Variants in PRKDC observed in about 807,000 individuals in gnomAD.
The protein encoded by PRKDC is DNA-dependent protein kinase catalytic subunit.
In PRKDC, 82 loss-of-function variants were observed where a neutral mutation model predicts 486.9. The observed-to-expected ratio is 0.17, with a 90% CI of 0.14 to 0.20. The LOEUF is 0.20. Ranked by LOEUF, PRKDC falls within the 10% of genes least tolerant of loss-of-function variation. The probability of loss-of-function intolerance (pLI) is 1.00; values close to 1 mark genes in which losing one functional copy is unlikely to be tolerated. For missense variants in PRKDC, 4,504 were observed against 5,038.2 expected, an observed-to-expected ratio of 0.89 and a Z score of 3.21; for synonymous variants, 1,895 against 1,837.0, an observed-to-expected ratio of 1.03 and a Z score of -0.81.
intron 38 of PRKDC, among the ~76,000 whole-genome samples, chr8:47,880,205 A>C (rs994400954): frequency 1.3e-5 from 2 of 152,206 alleles, no homozygotes; most frequent in Non-Finnish European, 2.9e-5. Context: ...CTATGGACAC[A>C]TAAATAAATG....
At position 47,877,705 on chromosome 8, in the gene PRKDC, C is replaced by G; in HGVS notation, c.5363+19G>C. ...TGAAATGCGTATGGTTCCTGAGATC[C>G]CAGGCCAGAATGACTTACCTTCTGG... is the stretch of plus-strand genomic sequence containing the variant. On this transcript the variant is annotated intron_variant, in intron 40 of 85. Transcript: ENST00000314191. 6.4e-7 allele frequency: 1 copy of G among 1,561,536 alleles called. No individual in the cohort carries two copies. The highest frequency in any genetic ancestry group is 8.7e-7 in the Non-Finnish European group (1 of 1,152,670).
At position 47,782,457 on chromosome 8, in the gene PRKDC, C is replaced by T. The variant is rs1287694603; in HGVS notation, c.11317G>A (p.Gly3773Arg). Residue 3773 changes from glycine (G) to arginine (R), a missense_variant, in exon 79 of 86, where the codon GGG becomes AGG. By Grantham distance (125) the Gly-to-Arg change is moderately radical. Transcript: ENST00000314191. The surrounding 1 kb of genome is among the most constrained non-coding windows in gnomAD (Gnocchi z 4.9). ...RVEQLFQVMN[G>R]ILAQDSACSQ... The stretch of plus-strand genomic sequence containing the variant: ...CAGGCGGAGTCTTGGGCCAGGATCC[C>T]ATTCATGACCTGGAAGAGCTGCTCC... The T allele has an allele frequency of 6.3e-7, 1 of 1,592,822 alleles. No homozygotes were observed. The highest frequency in any genetic ancestry group is 1.8e-5 in the Admixed American group (1 of 56,844).
intron 41 of PRKDC, 30 bp downstream of exon 41, chr8:47,864,526 T>G (rs1329311026): frequency 1.3e-6 from 2 of 1,572,222 alleles, no homozygotes; most frequent in Non-Finnish European, 1.7e-6. Flanking sequence ...GGCTGCTCAC[T>G]TCTTATTACT....
rs376084291 is a variant in PRKDC, at chr8:47,792,500, C to T, written c.10670+1790G>A. On this transcript the variant is annotated intron_variant, in intron 74 of 85. Transcript: ENST00000314191. ...GTCTCGATCTCCTGACCTCCTGATCCGCCCACTTCAGCCTCCCAAAGTGCT... is the reference window on the plus strand; with the variant it reads ...GTCTCGATCTCCTGACCTCCTGATCTGCCCACTTCAGCCTCCCAAAGTGCT... 4.0e-3 allele frequency among the ~76,000 whole-genome samples: 610 copies of T among 152,160 alleles called. 4 individuals are homozygous for T. The highest frequency in any genetic ancestry group is 0.025 in the South Asian group (121 of 4,824).
At position 47,838,082 on chromosome 8, in the gene PRKDC, G is replaced by C. The variant is rs574687287; in HGVS notation, c.7554-663C>G. On this transcript the variant is annotated intron_variant, in intron 56 of 85. Transcript: ENST00000314191. ...ACCTAGGAGGCGGAGGTTGCAATGA[G>C]CTGAAATCATGCTACTGCACTCCAG... is the stretch of plus-strand genomic sequence containing the variant. 3.9e-5 allele frequency among the ~76,000 whole-genome samples: 6 copies of C among 152,232 alleles called. No individual in the cohort carries two copies. The East Asian group carries it at 1.2e-3, about 29-fold the overall frequency.
intron 3 of PRKDC, 114 bp from the exon 4 acceptor site, chr8:47,956,062 T>C: frequency 1.3e-6 from 1 of 789,010 alleles, no homozygotes; most frequent in Non-Finnish European, 2.0e-6. Flanking sequence ...AGTATTTAGC[T>C]GTGGAAAATA....
At chr8:47,836,246 T>C in intron 58 of PRKDC, 92 bp downstream of exon 58, 1 of 1,249,484 alleles carries the variant, frequency 8.0e-7, no homozygotes. Flanking sequence ...TATCCCTTAC[T>C]TCTCTCACAA....
intron 52 of PRKDC, among the ~76,000 whole-genome samples, chr8:47,851,063 G>T (rs2088392218): frequency 6.6e-6 from 1 of 152,172 alleles, no homozygotes; most frequent in Non-Finnish European, 1.5e-5. Flanking sequence ...GCCTGCCTTG[G>T]CCTCCCAAAG....
intron 68 of PRKDC, among the ~76,000 whole-genome samples, chr8:47,808,938 C>T (rs556110948): frequency 3.3e-5 from 5 of 151,882 alleles, no homozygotes; most frequent in African/African-American, 4.8e-5. Context: ...TCAGGAAGAT[C>T]GCCTGAGCTC....
chr8:47,876,665 A>G (rs1463609986), intron 40 of PRKDC, among the ~76,000 whole-genome samples: 1 of 152,124 alleles, frequency 6.6e-6, no homozygotes, highest in Non-Finnish European at 1.5e-5. Context: ...TGTCTCAAAA[A>G]AAAAAAAAAA....
At chr8:47,797,245 T>C (rs1165518975) in intron 73 of PRKDC, among the ~76,000 whole-genome samples, 1 of 152,218 alleles carries the variant, frequency 6.6e-6, no homozygotes, top group African/African-American at 2.4e-5. Flanking sequence ...GAATACTTCA[T>C]GTCCTCACAA....
chr8:47,817,832 T>A (rs918118145), intron 67 of PRKDC, among the ~76,000 whole-genome samples: 1 of 152,236 alleles, frequency 6.6e-6, no homozygotes, highest in African/African-American at 2.4e-5. Flanking sequence ...ATCTGTAATA[T>A]CAAAATCTAA....
chr8:47,959,922 C>T (rs1255943146), intron 1 of PRKDC, 51 bp downstream of exon 1: 4 of 1,519,842 alleles, frequency 2.6e-6, no homozygotes, highest in Non-Finnish European at 3.5e-6. Context: ...GGCTCCAGAA[C>T]GACTCGGGAA....
At chr8:47,898,212 G>C (rs1333308681) in intron 29 of PRKDC, among the ~76,000 whole-genome samples, 2 of 152,182 alleles carry the variant, frequency 1.3e-5, no homozygotes, top group African/African-American at 4.8e-5. Flanking sequence ...TAAAACGTCT[G>C]TTACAAAACT....
chr8:47,923,173 C>G (rs1779017913), intron 21 of PRKDC, among the ~76,000 whole-genome samples: 1 of 151,658 alleles, frequency 6.6e-6, no homozygotes, highest in Non-Finnish European at 1.5e-5. Context: ...AAGTGGTTCT[C>G]TGGTCTCAGC....
intron 11 of PRKDC, among the ~76,000 whole-genome samples, 160 bp from the exon 12 acceptor site, chr8:47,936,677 C>T (rs1589804899): frequency 3.3e-5 from 5 of 151,692 alleles, no homozygotes; most frequent in Admixed American, 3.3e-4. Flanking sequence ...AGTGCAATGG[C>T]GTGATCTCAG....
intron 61 of PRKDC, among the ~76,000 whole-genome samples, chr8:47,830,010 C>T (rs544422153): frequency 6.6e-6 from 1 of 152,296 alleles, no homozygotes; most frequent in South Asian, 2.1e-4. Context: ...AAGCACCGCA[C>T]TACCCAACTT....
intron 21 of PRKDC, among the ~76,000 whole-genome samples, chr8:47,918,606 C>G (rs1434311249): frequency 6.6e-6 from 1 of 152,134 alleles, no homozygotes; most frequent in Non-Finnish European, 1.5e-5. Flanking sequence ...ACTCCAGGGT[C>G]GAGAAGAGCA....
intron 25 of PRKDC, among the ~76,000 whole-genome samples, chr8:47,907,587 C>A (rs1422077683): frequency 7.3e-6 from 1 of 137,304 alleles, no homozygotes; most frequent in African/African-American, 2.8e-5. Context: ...CAGGCTAGAG[C>A]GCAGTGGTGA....
Sources: allele counts gnomAD v4.1 joint callset (sites outside exome capture counted in the v4.1 genomes callset), GRCh38; gene constraint gnomAD v4.1.1; non-coding constraint Gnocchi (gnomAD v3.1); transcripts MANE v1.5; gene names NCBI Gene and HGNC (gene_info 2026-07-23, HGNC 2026-07-21).